IDO2: variants seen among roughly 807,000 people sequenced by gnomAD.
IDO2 encodes indoleamine 2,3-dioxygenase 2.
In IDO2, 46 loss-of-function variants were observed where a neutral mutation model predicts 45.1. The ratio of observed to expected loss-of-function variants is 1.02; its 90% CI spans 0.80 to 1.30. IDO2 has a LOEUF of 1.30. Ranked by LOEUF, IDO2 falls within the 50% of genes most tolerant of loss-of-function variation. The pLI is 0.00. For missense variants in IDO2, 544 were observed against 491.8 expected (o/e 1.11, Z -1.00); for synonymous variants, 218 against 184.9 (o/e 1.18, Z -1.45).
intron 2 of IDO2, among the ~76,000 whole-genome samples, chr8:39,951,642 G>T (rs1460194350): frequency 6.6e-6 from 1 of 152,178 alleles, no homozygotes; most frequent in Non-Finnish European, 1.5e-5. Context: ...CATAAATCCA[G>T]TGTAAGGACC....
intron 1 of IDO2, among the ~76,000 whole-genome samples, chr8:39,942,754 C>A (rs1302835684): frequency 6.6e-6 from 1 of 152,186 alleles, no homozygotes; most frequent in Non-Finnish European, 1.5e-5. Flanking sequence ...TTGTTTCATT[C>A]CCATAAATCT....
chr8:39,995,868 G>A (rs1802035338), intron 8 of IDO2, among the ~76,000 whole-genome samples: 1 of 152,158 alleles, frequency 6.6e-6, no homozygotes, highest in Non-Finnish European at 1.5e-5. Flanking sequence ...GGGCTCCTTG[G>A]TCTAGCGGTA....
chr8:39,978,106 C>T lies in IDO2; in HGVS notation c.196-961C>T, dbSNP rs558676291. ...AGCTCATTTTTGGGAGGAAGAAGTG[C>T]GCAGTCTGGCCATGGGGAGGACAGC... On this transcript the variant is annotated intron_variant, in intron 3 of 10. Transcript: ENST00000502986. Among the ~76,000 whole-genome samples the T allele has an allele frequency of 2.0e-5, 3 of 152,308 alleles. No individual in the cohort carries two copies. In the East Asian group the frequency reaches 5.8e-4, roughly 29 times the overall value.
chr8:39,982,022 A>G (rs56767874), intron 4 of IDO2, among the ~76,000 whole-genome samples: 19,909 of 152,096 alleles, frequency 0.13, 1,673 homozygotes, highest in East Asian at 0.34. Context: ...AGGCTGAGGC[A>G]GTCTGTCCTC....
At chr8:39,978,611 A>G (rs1401500955) in intron 3 of IDO2, among the ~76,000 whole-genome samples, 2 of 152,088 alleles carry the variant, frequency 1.3e-5, no homozygotes, top group Non-Finnish European at 1.5e-5. Context: ...CCTGTTTGAT[A>G]GAGAGAGGAA....
chr8:39,989,533 G>A (rs1053024527), intron 7 of IDO2, among the ~76,000 whole-genome samples, 188 bp from the exon 8 acceptor site: 1 of 152,168 alleles, frequency 6.6e-6, no homozygotes, highest in Non-Finnish European at 1.5e-5. Flanking sequence ...CTAGGGGTCT[G>A]TCTGGGAGGT....
At chr8:39,986,065 G>T (rs1808417487) in intron 6 of IDO2, 1 of 152,488 alleles carries the variant, frequency 6.6e-6, no homozygotes. Flanking sequence ...CCTGACCTCA[G>T]GTGATCCACC....
intron 8 of IDO2, among the ~76,000 whole-genome samples, chr8:39,992,774 C>T (rs1801959030): frequency 6.6e-6 from 1 of 152,134 alleles, no homozygotes; most frequent in Non-Finnish European, 1.5e-5. Context: ...TCTTTCAGAG[C>T]CCAGCTTTAG....
At chr8:39,945,661 T>C (rs1807717714) in intron 1 of IDO2, among the ~76,000 whole-genome samples, 1 of 152,200 alleles carries the variant, frequency 6.6e-6, no homozygotes, top group Non-Finnish European at 1.5e-5. Context: ...TGACATTCCA[T>C]CTAGTAATGA....
chr8:40,001,790 T>A (rs182687787), intron 8 of IDO2, among the ~76,000 whole-genome samples: 1 of 152,152 alleles, frequency 6.6e-6, no homozygotes, highest in Non-Finnish European at 1.5e-5. Context: ...TCATAAATAC[T>A]TTTTTGTTGT....
At chr8:39,965,275 C>G (rs1010035476) in intron 3 of IDO2, among the ~76,000 whole-genome samples, 16 of 152,112 alleles carry the variant, frequency 1.1e-4, no homozygotes, top group African/African-American at 3.6e-4. Context: ...TGCCTGAGCT[C>G]AGGAGTTCGA....
chr8:39,992,131 G>T (rs1468918953), intron 8 of IDO2, among the ~76,000 whole-genome samples: 1 of 152,360 alleles, frequency 6.6e-6, no homozygotes, highest in East Asian at 1.9e-4. Context: ...CGTGGCCTGG[G>T]CATTCCTTTC....
chr8:39,982,882 A>G (rs1471696046), intron 5 of IDO2, 112 bp downstream of exon 5: 16 of 691,068 alleles, frequency 2.3e-5, no homozygotes, highest in Admixed American at 1.2e-4. Context: ...ATGGTTCCAA[A>G]GAAGGGGTGA....
intron 2 of IDO2, among the ~76,000 whole-genome samples, chr8:39,961,628 G>C (rs1157672566): frequency 6.6e-6 from 1 of 151,944 alleles, no homozygotes; most frequent in East Asian, 1.9e-4. Flanking sequence ...AGCCCCAATT[G>C]TATGTTTCTA....
intron 8 of IDO2, among the ~76,000 whole-genome samples, chr8:40,004,839 C>T (rs1802195848): frequency 1.3e-5 from 2 of 152,210 alleles, no homozygotes. Flanking sequence ...GTGAACCTGT[C>T]TCTGACCTAG....
At chr8:40,003,717 T>A (rs961258036) in intron 8 of IDO2, among the ~76,000 whole-genome samples, 6 of 152,174 alleles carry the variant, frequency 3.9e-5, no homozygotes, top group African/African-American at 1.4e-4. Flanking sequence ...TTTACAACTT[T>A]TATTTCTTTT....
chr8:40,007,520 G>T (rs941938094), intron 9 of IDO2, among the ~76,000 whole-genome samples: 1 of 152,032 alleles, frequency 6.6e-6, no homozygotes, highest in African/African-American at 2.4e-5. Flanking sequence ...TTAGTATTTA[G>T]GCTTTCTCTG....
chr8:39,984,192 C>T (rs1808391933), intron 5 of IDO2, among the ~76,000 whole-genome samples: 1 of 152,088 alleles, frequency 6.6e-6, no homozygotes, highest in Admixed American at 6.6e-5. Flanking sequence ...AATGCAACAA[C>T]AGGCAGGTGC....
intron 4 of IDO2, 102 bp downstream of exon 4, chr8:39,979,288 T>C (rs1363190863): frequency 3.9e-6 from 5 of 1,287,572 alleles, no homozygotes; most frequent in African/African-American, 1.5e-5. Flanking sequence ...GGAAAATGGG[T>C]ACTTTCTTCT....
Sources: allele counts gnomAD v4.1 joint callset (sites outside exome capture counted in the v4.1 genomes callset), GRCh38; gene constraint gnomAD v4.1.1; transcripts MANE v1.5; gene names NCBI Gene and HGNC (gene_info 2026-07-23, HGNC 2026-07-21).